The following PITPNM2 variants were observed in gnomAD, a reference collection of about 807,000 sequenced individuals.
PITPNM2 encodes the protein phosphatidylinositol transfer protein membrane associated 2, also known as membrane-associated phosphatidylinositol transfer protein 2.
PITPNM2 carries 35 observed loss-of-function variants against 132.2 expected under a neutral mutation model. The ratio of observed to expected loss-of-function variants is 0.26; its 90% CI spans 0.20 to 0.35. The LOEUF is 0.35. Among genes scored for constraint, PITPNM2 ranks in the 10% least tolerant of loss-of-function variants. The pLI is 1.00. For synonymous variants in PITPNM2, 738 were observed against 799.2 expected, an observed-to-expected ratio of 0.92 and a Z score of 1.29; for missense variants, 1,332 against 1,912.0, an observed-to-expected ratio of 0.70 and a Z score of 5.66.
chr12:123,074,054 T>C (rs1021123172), intron 2 of PITPNM2, among the ~76,000 whole-genome samples: 3 of 152,176 alleles, frequency 2.0e-5, no homozygotes, highest in Non-Finnish European at 4.4e-5. Flanking sequence ...GCAGGTTGCA[T>C]GTATAACTAA....
Position 123,058,080 on chromosome 12 carries a change from C to A in PITPNM2, c.-95-23395G>T, listed in dbSNP as rs2041102377. 6.6e-6 allele frequency among the ~76,000 whole-genome samples: 1 copy of A among 152,228 alleles called. No individual in the cohort carries two copies. The highest frequency in any genetic ancestry group is 1.5e-5 in the Non-Finnish European group (1 of 68,038). ...TGCCTTCATCCCCTGACCTTTTACT[C>A]TTCAAAGTACTTACGAACCCACGTT... On this transcript the variant is annotated intron_variant, in intron 2 of 25. Transcript: ENST00000320201. The surrounding 1 kb of genome is among the most constrained non-coding windows in gnomAD (Gnocchi z 4.0).
intron 2 of PITPNM2, among the ~76,000 whole-genome samples, chr12:123,068,193 C>CACGGCCGGGT (rs2041492742): frequency 8.4e-6 from 1 of 118,684 alleles, no homozygotes; most frequent in Non-Finnish European, 1.8e-5. Context: ...CACGGCCGGG[C>CACGGCCGGGT]ACGGTGGCTC....
chr12:123,148,510 C>T (rs74703625), intron 1 of PITPNM2, among the ~76,000 whole-genome samples: 7,264 of 152,120 alleles, frequency 0.048, 299 homozygotes, highest in East Asian at 0.25. Context: ...CTGGTCTTCT[C>T]GAAGACCAAG....
rs982309016 is a variant in PITPNM2 at position 122,996,480 on chromosome 12, C to T, written c.1760G>A (p.Arg587Gln). The change falls in exon 13 of 26, where the codon CGG (arginine) becomes CAG (glutamine). Residue 587 changes from arginine (R) to glutamine (Q), a missense_variant. Physicochemically the swap from Arg to Gln is conservative, Grantham distance 43 (BLOSUM62 1). Around this residue, in one of 6 missense-constraint regions of PITPNM2, gnomAD observed 710 missense variants for 911.5 expected, o/e 0.78. Transcript: ENST00000320201. ...PVSESQSSSR[R>Q]GSVVSMQDND... ...TACCTGCATGCTGACCACGCTGCCC[C>T]GGCGGCTGCTGCTCTGACTCTCAGA... 2.0e-5 allele frequency: 32 copies of T among 1,612,964 alleles called. No homozygotes were observed. The highest frequency in any genetic ancestry group is 8.9e-5 in the East Asian group (4 of 44,896).
At position 123,150,621 on chromosome 12, in the gene PITPNM2, G is replaced by T. The variant is rs2043717391; in HGVS notation, c.-200+132C>A. Among the ~76,000 whole-genome samples, 1 of 151,648 alleles carries T rather than the reference G, an allele frequency of 6.6e-6. No individual in the cohort carries two copies. The highest frequency in any genetic ancestry group is 1.5e-5 in the Non-Finnish European group (1 of 67,814). ...CGCTCCCTCCTCCAGCCCCCGGCGGGCTGGAGGCTCGGCGGGCGGGCGGGC... is the reference window on the plus strand; with the variant it reads ...CGCTCCCTCCTCCAGCCCCCGGCGGTCTGGAGGCTCGGCGGGCGGGCGGGC... On this transcript the variant is annotated intron_variant, in intron 1 of 25. Coordinates refer to ENST00000320201, the MANE Select transcript of PITPNM2 (RefSeq NM_020845.3). The surrounding 1 kb of genome is among the most constrained non-coding windows in gnomAD (Gnocchi z 6.0).
rs529091766 is a variant in PITPNM2, at chr12:122,988,778, G to A, written c.2826C>T (p.Leu942=). Reference sequence around the variant, plus strand: ...TTGACTCCCAGTAGCTGGCGTGGAAGAGGTGAGGCAGAGCCACCGTGGGGA... The same window carrying A: ...TTGACTCCCAGTAGCTGGCGTGGAAAAGGTGAGGCAGAGCCACCGTGGGGA... ...TAFPTVALPH[L]FHASYWESTD... is the part of the protein sequence containing the mutation. Residue 942 remains leucine (L), a synonymous_variant, in exon 19 of 26, where the codon CTC becomes CTT. Coordinates refer to ENST00000320201, the MANE Select transcript of PITPNM2 (RefSeq NM_020845.3). 2.8e-5 allele frequency: 44 copies of A among 1,581,326 alleles called. 1 individual carries two copies. In the African/African-American group the frequency reaches 5.2e-4, roughly 19 times the overall value.
At chr12:123,049,093 C>A (rs1187397739) in intron 2 of PITPNM2, among the ~76,000 whole-genome samples, 1 of 152,060 alleles carries the variant, frequency 6.6e-6, no homozygotes, top group Admixed American at 6.6e-5. Flanking sequence ...ATGATTGTGC[C>A]ACTGCACTCC....
At chr12:123,128,584 T>C (rs2043198167) in intron 1 of PITPNM2, among the ~76,000 whole-genome samples, 1 of 150,708 alleles carries the variant, frequency 6.6e-6, no homozygotes. Context: ...AAACCCCGCC[T>C]CTACTAAAAA....
At chr12:123,142,685 A>T (rs993027858) in intron 1 of PITPNM2, among the ~76,000 whole-genome samples, 1 of 152,214 alleles carries the variant, frequency 6.6e-6, no homozygotes, top group African/African-American at 2.4e-5. Flanking sequence ...AAATAAATGT[A>T]AAATAATTGT....
intron 1 of PITPNM2, among the ~76,000 whole-genome samples, chr12:123,116,976 T>C (rs578082564): frequency 1.3e-5 from 2 of 152,330 alleles, no homozygotes; most frequent in Admixed American, 6.5e-5. Flanking sequence ...CCTGCCCAAA[T>C]TGCCACACTG....
intron 1 of PITPNM2, among the ~76,000 whole-genome samples, chr12:123,135,272 A>G (rs1312593160): frequency 6.6e-6 from 1 of 152,218 alleles, no homozygotes; most frequent in Non-Finnish European, 1.5e-5. Context: ...ATTTTTTTAA[A>G]AAAGCAAAAA....
At chr12:123,049,042 G>C (rs1437593184) in intron 2 of PITPNM2, among the ~76,000 whole-genome samples, 1 of 152,140 alleles carries the variant, frequency 6.6e-6, no homozygotes, top group African/African-American at 2.4e-5. Flanking sequence ...GCTGAGGCTG[G>C]AGGATCTCTT....
rs1303664162 is a variant in PITPNM2 at position 123,009,463 on chromosome 12, A to G, written c.643+387T>C. On this transcript the variant is annotated intron_variant, in intron 6 of 25. Coordinates refer to ENST00000320201, the MANE Select transcript of PITPNM2 (RefSeq NM_020845.3). This position sits in a 1 kb window ranked among gnomAD's most constrained non-coding sequence, Gnocchi z 4.8. ...GTTCTGGGCCTCCTTGAGTAGAGGA[A>G]ACAAAGGCCTGGGAGCCCAGAGGCC... Among the ~76,000 whole-genome samples, 1 of 152,166 alleles carries G rather than the reference A, an allele frequency of 6.6e-6. No individual in the cohort carries two copies. The highest frequency in any genetic ancestry group is 1.5e-5 in the Non-Finnish European group (1 of 68,006).
intron 2 of PITPNM2, among the ~76,000 whole-genome samples, chr12:123,093,116 C>A (rs951242771): frequency 1.3e-5 from 2 of 152,120 alleles, no homozygotes; most frequent in Non-Finnish European, 2.9e-5. Flanking sequence ...AGAAACCAGA[C>A]ACAAAATGCC....
intron 3 of PITPNM2, among the ~76,000 whole-genome samples, chr12:123,032,395 T>G (rs1345061067): frequency 6.6e-6 from 1 of 152,194 alleles, no homozygotes; most frequent in Non-Finnish European, 1.5e-5. Context: ...GAGAATCGCT[T>G]GAACCCAGGA....
chr12:123,137,357 C>T (rs1371028871), intron 1 of PITPNM2, among the ~76,000 whole-genome samples: 1 of 152,144 alleles, frequency 6.6e-6, no homozygotes, highest in South Asian at 2.1e-4. Context: ...CACAGGTGAG[C>T]CCCTCTGGCT....
At chr12:123,127,766 C>T (rs1044062000) in intron 1 of PITPNM2, among the ~76,000 whole-genome samples, 5 of 152,068 alleles carry the variant, frequency 3.3e-5, no homozygotes, top group Non-Finnish European at 5.9e-5. Context: ...CCCGCCACCA[C>T]GCCTGGCTAA....
chr12:123,137,701 TG>T (rs2043410781), intron 1 of PITPNM2, among the ~76,000 whole-genome samples: 1 of 151,992 alleles, frequency 6.6e-6, no homozygotes, highest in Non-Finnish European at 1.5e-5. Flanking sequence ...AAGACCAGCC[TG>T]GCCAACAAAG....
chr12:123,079,869 A>G (rs937726485), intron 2 of PITPNM2, among the ~76,000 whole-genome samples: 5 of 152,134 alleles, frequency 3.3e-5, no homozygotes, highest in African/African-American at 9.7e-5. Context: ...CACCACCTCT[A>G]TCTAGTTCCA....
Sources: gnomAD v4.1 joint callset for allele counts (sites outside exome capture counted in the v4.1 genomes callset) on GRCh38, gnomAD v4.1.1 for gene constraint, gnomAD v4.1.1 regional missense constraint, Gnocchi (gnomAD v3.1) non-coding constraint, MANE v1.5 for transcripts, NCBI Gene and HGNC (gene_info 2026-07-23, HGNC 2026-07-21) for gene names.